Variants in GAN observed in about 807,000 individuals in gnomAD.
The protein encoded by GAN is gigaxonin, also known as epididymis secretory sperm binding protein.
GAN carries 48 observed loss-of-function variants against 71.3 expected under a neutral mutation model. That is an observed-to-expected ratio of 0.67 (90% CI 0.53 to 0.86). GAN has a LOEUF of 0.86. Among genes scored for constraint, GAN ranks in the 40% least tolerant of loss-of-function variants. GAN has a pLI of 0.00. For missense variants in GAN, 928 were observed against 770.1 expected (o/e 1.21, Z -2.43); for synonymous variants, 386 against 276.8 (o/e 1.39, Z -3.92).
intron 1 of GAN, among the ~76,000 whole-genome samples, chr16:81,327,060 G>A (rs746332162): frequency 3.9e-5 from 6 of 152,242 alleles, no homozygotes; most frequent in Non-Finnish European, 7.3e-5. Flanking sequence ...AGAGTTTAGA[G>A]TCTTACTTTT....
chr16:81,365,529 C>A, intron 9 of GAN, 51 bp downstream of exon 9: 2 of 1,572,366 alleles, frequency 1.3e-6, no homozygotes, highest in Non-Finnish European at 1.8e-6. Context: ...TTTGTGCTTT[C>A]AGTCGTATTT....
At chr16:81,340,498 C>T (rs1052009340) in intron 1 of GAN, among the ~76,000 whole-genome samples, 1 of 152,128 alleles carries the variant, frequency 6.6e-6, no homozygotes, top group Non-Finnish European at 1.5e-5. Flanking sequence ...CAAACAGGGT[C>T]TGGAATGGAC....
rs1597398839 is a variant in GAN at position 81,349,137 on chromosome 16, A to G, written c.168-2446A>G. Among the ~76,000 whole-genome samples the G allele has an allele frequency of 2.6e-5, 4 of 152,248 alleles. No homozygotes were observed. In the South Asian group the frequency reaches 8.3e-4, roughly 32 times the overall value. On this transcript the variant is annotated intron_variant, in intron 1 of 10. Coordinates refer to ENST00000648994, the MANE Select transcript of GAN (RefSeq NM_022041.4). The stretch of plus-strand genomic sequence containing the variant: ...GGAAGGAGAATCCGGAAATTCAACT[A>G]TTTCCTAAGACTTTGTTAACAGTTC...
rs535218815 is a variant in GAN, at chr16:81,378,560, C to T, written c.*964C>T. 1.3e-5 allele frequency: 2 copies of T among 152,466 alleles called. No individual in the cohort carries two copies. The highest frequency in any genetic ancestry group is 4.8e-5 in the African/African-American group (2 of 41,428). 9.4% of individuals were successfully genotyped at this position (152,466 alleles called of 1,614,324 possible). On this transcript the variant is annotated 3_prime_UTR_variant, in exon 11 of 11. Coordinates refer to ENST00000648994, the MANE Select transcript of GAN (RefSeq NM_022041.4). ...AGGGATCAGAAACTTTTTCATATAA[C>T]CTGTCTGAAAGCACACAAAGTCTTG...
chr16:81,342,602 T>C (rs529309976), intron 1 of GAN, among the ~76,000 whole-genome samples: 4 of 152,314 alleles, frequency 2.6e-5, no homozygotes, highest in Admixed American at 2.6e-4. Context: ...AGACACAACG[T>C]ACCAGAATCT....
intron 9 of GAN, among the ~76,000 whole-genome samples, chr16:81,371,592 A>G (rs2150695505): frequency 6.6e-6 from 1 of 152,182 alleles, no homozygotes; most frequent in East Asian, 1.9e-4. Flanking sequence ...TTAGTTGAAG[A>G]CTTGAGATGA....
chr16:81,353,676 A>T (rs567829580), intron 2 of GAN, among the ~76,000 whole-genome samples: 1 of 152,170 alleles, frequency 6.6e-6, no homozygotes, highest in Admixed American at 6.5e-5. Context: ...GACTGTGGCA[A>T]TATTTTAGAG....
At chr16:81,364,031 A>G in intron 7 of GAN, 88 bp downstream of exon 7, 1 of 1,004,984 alleles carries the variant, frequency 1.0e-6, no homozygotes, top group Non-Finnish European at 1.6e-6. Context: ...AACCTTTAAT[A>G]TAACTGATGG....
Position 81,319,096 on chromosome 16 carries a change from C to T in GAN, c.167+3816C>T, listed in dbSNP as rs182265950. On this transcript the variant is annotated intron_variant, in intron 1 of 10. Coordinates refer to ENST00000648994, the MANE Select transcript of GAN (RefSeq NM_022041.4). ...TTCGGGAGGCTGAGGCGGGAGGATC[C>T]CTTGACCCCGGGAGTTCCAGGATGC... 6.9e-3 allele frequency among the ~76,000 whole-genome samples: 1,054 copies of T among 151,778 alleles called. 38 individuals are homozygous for T. Among genetic ancestry groups the T allele is most frequent in the Admixed American group, 0.059 (894 of 15,240 alleles).
At chr16:81,376,503 G>GTA (rs1904280603) in intron 9 of GAN, among the ~76,000 whole-genome samples, 1 of 139,002 alleles carries the variant, frequency 7.2e-6, no homozygotes, top group African/African-American at 3.0e-5. Context: ...GTGTGTGTGT[G>GTA]TGTGTGTATG....
At chr16:81,357,585 A>G (rs557094600) in intron 4 of GAN, among the ~76,000 whole-genome samples, 92 of 152,336 alleles carry the variant, frequency 6.0e-4, no homozygotes, top group African/African-American at 2.2e-3. Flanking sequence ...ATGTGTCTTT[A>G]TAGCAGCATG....
intron 1 of GAN, among the ~76,000 whole-genome samples, chr16:81,321,647 T>G (rs1423816394): frequency 2.0e-5 from 3 of 152,178 alleles, no homozygotes; most frequent in Non-Finnish European, 4.4e-5. Flanking sequence ...AAGGAAAACA[T>G]AATTAGGACA....
In GAN at chr16:81,390,643, CAG is replaced by C. The variant is rs1904533994; in HGVS notation, c.*13050_*13051del. 1 of 152,248 alleles carries C rather than the reference CAG, an allele frequency of 6.6e-6. No individual in the cohort carries two copies. Among genetic ancestry groups the C allele is most frequent in the East Asian group, 1.9e-4 (1 of 5,194 alleles). The allele number at this position is 152,248 out of a possible 1,614,324, so 9.4% of individuals were successfully genotyped here. A position where few individuals can be genotyped will look rare whatever the true frequency, so the allele number is the denominator to read the frequency against. ...TTTTATAACTGTAAGAAAACAGAAA[CAG>C]AGTGTTGTATTTTGATCTGAAATTT... On this transcript the variant is annotated 3_prime_UTR_variant, in exon 11 of 11. Transcript: ENST00000648994.
intron 9 of GAN, among the ~76,000 whole-genome samples, chr16:81,368,008 G>A (rs1910916796): frequency 6.6e-6 from 1 of 152,222 alleles, no homozygotes; most frequent in African/African-American, 2.4e-5. Flanking sequence ...TGCCGGATGA[G>A]CAGTCCATAT....
At chr16:81,375,894 C>T (rs1018650777) in intron 9 of GAN, among the ~76,000 whole-genome samples, 9 of 149,828 alleles carry the variant, frequency 6.0e-5, no homozygotes, top group African/African-American at 2.0e-4. Flanking sequence ...CACTAGAGTC[C>T]AAGAGGTTGA....
chr16:81,368,648 C>T (rs1334474222), intron 9 of GAN, among the ~76,000 whole-genome samples: 1 of 152,144 alleles, frequency 6.6e-6, no homozygotes, highest in Non-Finnish European at 1.5e-5. Flanking sequence ...TTGTACTTTG[C>T]AACTCATCAG....
intron 1 of GAN, among the ~76,000 whole-genome samples, chr16:81,319,657 GA>G (rs1909161596): frequency 6.6e-6 from 1 of 152,100 alleles, no homozygotes; most frequent in Admixed American, 6.5e-5. Context: ...AGATTCCTAA[GA>G]TTTTTAGATC....
intron 6 of GAN, 130 bp from the exon 7 acceptor site, chr16:81,363,664 T>G: frequency 1.1e-6 from 1 of 875,340 alleles, no homozygotes. Flanking sequence ...CCCTGTCTCC[T>G]TGCTCTAGGA....
rs1357535787 is a variant in GAN at position 81,315,092 on chromosome 16, C to T, written c.-22C>T. 1.4e-6 allele frequency: 2 copies of T among 1,470,200 alleles called. No homozygotes were observed. The highest frequency in any genetic ancestry group is 3.0e-5 in the East Asian group (1 of 33,466). 91.1% of individuals were successfully genotyped at this position (1,470,200 alleles called of 1,614,324 possible). ...GGACGGTGTCGGGAGCCGGACCCGTCGGCAGAGGAGCGGGCGCCGCGATGG... is the reference window on the plus strand; with the variant it reads ...GGACGGTGTCGGGAGCCGGACCCGTTGGCAGAGGAGCGGGCGCCGCGATGG... On this transcript the variant is annotated 5_prime_UTR_variant, in exon 1 of 11. Coordinates refer to ENST00000648994, the MANE Select transcript of GAN (RefSeq NM_022041.4).
Sources: gnomAD v4.1 joint callset for allele counts (sites outside exome capture counted in the v4.1 genomes callset) on GRCh38, gnomAD v4.1.1 for gene constraint, MANE v1.5 for transcripts, NCBI Gene and HGNC (gene_info 2026-07-23, HGNC 2026-07-21) for gene names.